The following CNTNAP2 variants were observed in gnomAD, a reference collection of about 807,000 sequenced individuals.
CNTNAP2 encodes contactin-associated protein-like 2.
A neutral mutation model predicts 155.2 loss-of-function variants in CNTNAP2; 98 were observed. The observed-to-expected ratio is 0.63, with a 90% CI of 0.54 to 0.75. The LOEUF (loss-of-function observed/expected upper bound fraction) is 0.75. Ranked by LOEUF, CNTNAP2 falls within the 30% of genes least tolerant of loss-of-function variation. The pLI is 0.00. For missense variants in CNTNAP2, 1,727 were observed against 1,688.1 expected, an observed-to-expected ratio of 1.02 and a Z score of -0.40; for synonymous variants, 651 against 631.2, an observed-to-expected ratio of 1.03 and a Z score of -0.47.
chr7:147,707,310 T>C (rs1796330813), intron 13 of CNTNAP2, among the ~76,000 whole-genome samples: 1 of 152,194 alleles, frequency 6.6e-6, no homozygotes, highest in Admixed American at 6.5e-5. Context: ...GTGGTTTAGG[T>C]TGGGTAGGAC....
chr7:148,206,665 T>C (rs769934372), intron 18 of CNTNAP2, among the ~76,000 whole-genome samples: 2 of 152,180 alleles, frequency 1.3e-5, no homozygotes. Flanking sequence ...AATATGCCAA[T>C]AGGCAGGCCT....
chr7:148,024,173 A>AAAAAAAAAAAAAAAAAAAC (rs796940228), intron 15 of CNTNAP2, among the ~76,000 whole-genome samples: 96 of 147,828 alleles, frequency 6.5e-4, no homozygotes, highest in East Asian at 3.9e-3. Flanking sequence ...AAAAAAAAAA[A>AAAAAAAAAAAAAAAAAAAC]AAAAAACTTT....
chr7:147,496,335 T>C (rs2116658416), intron 11 of CNTNAP2, among the ~76,000 whole-genome samples: 1 of 152,246 alleles, frequency 6.6e-6, no homozygotes, highest in East Asian at 1.9e-4. Context: ...GATATTTAAG[T>C]TTTCCCATAA....
At chr7:146,869,906 C>T (rs61077914) in intron 3 of CNTNAP2, among the ~76,000 whole-genome samples, 3,007 of 152,270 alleles carry the variant, frequency 0.02, 92 homozygotes, top group African/African-American at 0.066. Context: ...TGGTAACACT[C>T]AGAAACACCC....
At position 147,225,886 on chromosome 7, in the gene CNTNAP2, GGAAGGAAGGAAGGAAGGAAA is replaced by G. The variant is rs1263906617; in HGVS notation, c.1349-74239_1349-74220del. On this transcript the variant is annotated intron_variant, in intron 8 of 23. Transcript: ENST00000361727. ...AAGAAGGAAGGAGGGAAAGAAGGAA[GGAAGGAAGGAAGGAAGGAAA>G]GAAGGAAGGAAGGAAAGAAGGAAGG... is the stretch of plus-strand genomic sequence containing the variant. Among the ~76,000 whole-genome samples the G allele has an allele frequency of 2.4e-3, 325 of 133,360 alleles. 2 individuals are homozygous for G. The highest frequency in any genetic ancestry group is 8.7e-3 in the African/African-American group (306 of 35,120). The allele number at this position is 133,360 out of a possible 152,430, so 87.5% of individuals were successfully genotyped here.
At chr7:146,785,872 G>A (rs1311704976) in intron 2 of CNTNAP2, among the ~76,000 whole-genome samples, 1 of 152,130 alleles carries the variant, frequency 6.6e-6, no homozygotes, top group East Asian at 1.9e-4. Context: ...TCACATACAT[G>A]GCTTTCGACT....
chr7:148,280,129 T>C (rs10952746), intron 21 of CNTNAP2, among the ~76,000 whole-genome samples: 81,821 of 151,866 alleles, frequency 0.54, 23,643 homozygotes, highest in East Asian at 0.75. Flanking sequence ...GCCAACATGG[T>C]GAAATCTGTC....
intron 13 of CNTNAP2, among the ~76,000 whole-genome samples, chr7:147,774,878 A>T (rs926877585): frequency 2.0e-5 from 3 of 152,136 alleles, no homozygotes; most frequent in Non-Finnish European, 4.4e-5. Flanking sequence ...AGGATAAGAA[A>T]ACTGAAGCCA....
intron 9 of CNTNAP2, among the ~76,000 whole-genome samples, chr7:147,394,992 A>G (rs1796788757): frequency 6.6e-6 from 1 of 151,780 alleles, no homozygotes; most frequent in African/African-American, 2.4e-5. Context: ...ATGTATATTC[A>G]AAGTAGGGTG....
intron 13 of CNTNAP2, among the ~76,000 whole-genome samples, chr7:147,686,906 A>G (rs1271060375): frequency 6.6e-6 from 1 of 152,102 alleles, no homozygotes; most frequent in East Asian, 1.9e-4. Context: ...TAATGGGTAC[A>G]AATTTACAAT....
chr7:146,218,285 A>G (rs992813931), intron 1 of CNTNAP2, among the ~76,000 whole-genome samples: 4 of 152,156 alleles, frequency 2.6e-5, no homozygotes, highest in African/African-American at 4.8e-5. Context: ...CGAGGCGGGC[A>G]GATCACGAGG....
intron 8 of CNTNAP2, among the ~76,000 whole-genome samples, chr7:147,224,396 T>G (rs1230729544): frequency 6.6e-6 from 1 of 152,154 alleles, no homozygotes; most frequent in African/African-American, 2.4e-5. Context: ...AAATAAAGTT[T>G]TATTGGAACA....
chr7:146,445,366 G>A (rs907648277), intron 1 of CNTNAP2, among the ~76,000 whole-genome samples: 1 of 152,132 alleles, frequency 6.6e-6, no homozygotes, highest in Non-Finnish European at 1.5e-5. Context: ...TCCTTTCAAT[G>A]TCTAGAAATG....
chr7:147,907,614 T>G (rs1229965373), intron 14 of CNTNAP2, among the ~76,000 whole-genome samples: 1 of 152,024 alleles, frequency 6.6e-6, no homozygotes, highest in East Asian at 1.9e-4. Flanking sequence ...TTTGCCACTT[T>G]TGGGGGAGGC....
At chr7:146,954,116 C>T (rs906169356) in intron 3 of CNTNAP2, among the ~76,000 whole-genome samples, 23 of 151,884 alleles carry the variant, frequency 1.5e-4, no homozygotes, top group Admixed American at 1.5e-3. Context: ...AATCGTATTT[C>T]TTGCTTTGAA....
At chr7:148,109,755 C>G (rs1328827922) in intron 15 of CNTNAP2, among the ~76,000 whole-genome samples, 1 of 152,188 alleles carries the variant, frequency 6.6e-6, no homozygotes, top group Non-Finnish European at 1.5e-5. Flanking sequence ...CCAGAGCTTA[C>G]ATACCTTGTA....
At chr7:146,538,913 A>G (rs768256539) in intron 1 of CNTNAP2, among the ~76,000 whole-genome samples, 2 of 152,146 alleles carry the variant, frequency 1.3e-5, no homozygotes, top group Non-Finnish European at 2.9e-5. Context: ...TACAAGTGAC[A>G]TGAAATAAGG....
intron 13 of CNTNAP2, among the ~76,000 whole-genome samples, chr7:147,775,267 T>TTATAAATA (rs1554433195): frequency 2.7e-5 from 2 of 73,726 alleles, no homozygotes; most frequent in Non-Finnish European, 5.6e-5. Context: ...ATAAATATAT[T>TTATAAATA]TATATATATA....
chr7:148,251,217 C>T (rs1356349381), intron 20 of CNTNAP2, among the ~76,000 whole-genome samples: 3 of 152,152 alleles, frequency 2.0e-5, no homozygotes, highest in African/African-American at 7.2e-5. Flanking sequence ...TTCAGAGGTT[C>T]CCACTACTCC....
Sources: allele counts gnomAD v4.1 joint callset (sites outside exome capture counted in the v4.1 genomes callset), GRCh38; gene constraint gnomAD v4.1.1; transcripts MANE v1.5; gene names NCBI Gene and HGNC (gene_info 2026-07-23, HGNC 2026-07-21).